CNTNAP2: variants seen among roughly 807,000 people sequenced by gnomAD.
CNTNAP2 encodes contactin associated protein 2.
In CNTNAP2, 98 loss-of-function variants were observed where a neutral mutation model predicts 155.2. The ratio of observed to expected loss-of-function variants is 0.63; its 90% CI spans 0.54 to 0.75. The LOEUF (loss-of-function observed/expected upper bound fraction) is 0.75, where lower values mean the gene tolerates loss of function less well. CNTNAP2 is among the 30% of genes least tolerant of loss of function. The pLI is 0.00. For synonymous variants in CNTNAP2, 651 were observed against 631.2 expected (o/e 1.03, Z -0.47); for missense variants, 1,727 against 1,688.1 (o/e 1.02, Z -0.40).
intron 9 of CNTNAP2, among the ~76,000 whole-genome samples, chr7:147,325,735 T>A (rs1795442616): frequency 6.6e-6 from 1 of 152,236 alleles, no homozygotes; most frequent in African/African-American, 2.4e-5. Flanking sequence ...ACATAAAGCA[T>A]AAAAGTTACC....
At chr7:146,139,228 T>C (rs529800427) in intron 1 of CNTNAP2, among the ~76,000 whole-genome samples, 1 of 152,218 alleles carries the variant, frequency 6.6e-6, no homozygotes, top group South Asian at 2.1e-4. Context: ...AATTCAAAAT[T>C]TGGAGTACAG....
chr7:146,880,333 C>T (rs1795520072), intron 3 of CNTNAP2, among the ~76,000 whole-genome samples: 1 of 151,852 alleles, frequency 6.6e-6, no homozygotes, highest in Non-Finnish European at 1.5e-5. Context: ...TCTCTTTCTG[C>T]CATTCGAAGA....
intron 21 of CNTNAP2, among the ~76,000 whole-genome samples, chr7:148,298,324 C>G (rs1797322867): frequency 6.6e-6 from 1 of 152,162 alleles, no homozygotes; most frequent in Non-Finnish European, 1.5e-5. Context: ...AATGTCACCA[C>G]ATCATTTGGA....
chr7:148,310,260 A>G (rs1418531444), intron 21 of CNTNAP2, among the ~76,000 whole-genome samples: 1 of 152,206 alleles, frequency 6.6e-6, no homozygotes, highest in African/African-American at 2.4e-5. Flanking sequence ...TTATGTTGTC[A>G]TACACCAGGC....
intron 21 of CNTNAP2, among the ~76,000 whole-genome samples, chr7:148,369,091 T>C (rs991654554): frequency 4.0e-5 from 6 of 151,528 alleles, no homozygotes; most frequent in Admixed American, 3.9e-4. Context: ...TTTCAAATGC[T>C]AAGCATACAT....
At chr7:146,482,213 A>C (rs1317401735) in intron 1 of CNTNAP2, among the ~76,000 whole-genome samples, 2 of 150,808 alleles carry the variant, frequency 1.3e-5, no homozygotes, top group Non-Finnish European at 3.0e-5. Flanking sequence ...TTAGAAAAAA[A>C]AAAAAAAAAA....
intron 13 of CNTNAP2, among the ~76,000 whole-genome samples, chr7:147,781,711 CT>C (rs1228173702): frequency 6.6e-6 from 1 of 152,136 alleles, no homozygotes; most frequent in Non-Finnish European, 1.5e-5. Flanking sequence ...TCAAGGAAGC[CT>C]TTCATGCACC....
At chr7:146,392,859 T>C (rs1795565341) in intron 1 of CNTNAP2, among the ~76,000 whole-genome samples, 1 of 152,154 alleles carries the variant, frequency 6.6e-6, no homozygotes, top group Non-Finnish European at 1.5e-5. Flanking sequence ...GTATTTCCAA[T>C]CATCTTCAAA....
chr7:147,396,290 T>C (rs985293467), intron 10 of CNTNAP2, among the ~76,000 whole-genome samples: 2 of 151,566 alleles, frequency 1.3e-5, no homozygotes, highest in Non-Finnish European at 2.9e-5. Flanking sequence ...GCAACAGCAG[T>C]GTGGCAGAGA....
At chr7:147,749,251 T>C (rs1797095609) in intron 13 of CNTNAP2, among the ~76,000 whole-genome samples, 1 of 152,214 alleles carries the variant, frequency 6.6e-6, no homozygotes, top group African/African-American at 2.4e-5. Flanking sequence ...TTTAAAATAT[T>C]GAGAACATTT....
chr7:147,004,185 T>C (rs957580356), intron 3 of CNTNAP2, among the ~76,000 whole-genome samples: 2 of 104,250 alleles, frequency 1.9e-5, no homozygotes, highest in Non-Finnish European at 4.0e-5. Context: ...ATGAATTCAA[T>C]AATATTAAAA....
rs138572687 is a variant in CNTNAP2, at chr7:146,256,663, G to C, written c.97+139690G>C. On this transcript the variant is annotated intron_variant, in intron 1 of 23. Coordinates refer to ENST00000361727, the MANE Select transcript of CNTNAP2 (RefSeq NM_014141.6). Reference sequence around the variant, plus strand: ...ATAAGAAAATATGAGAAAATACTAAGAAAATATAAGAAAATAATTTAAGAA... The same window carrying C: ...ATAAGAAAATATGAGAAAATACTAACAAAATATAAGAAAATAATTTAAGAA... Among the ~76,000 whole-genome samples the C allele has an allele frequency of 2.5e-4, 38 of 151,694 alleles. 1 individual carries two copies. The highest frequency in any genetic ancestry group is 9.2e-4 in the African/African-American group (38 of 41,396).
At chr7:146,183,122 T>C (rs1584790933) in intron 1 of CNTNAP2, among the ~76,000 whole-genome samples, 1 of 152,304 alleles carries the variant, frequency 6.6e-6, no homozygotes, top group East Asian at 1.9e-4. Flanking sequence ...GTTTTCAAGA[T>C]TTAAGCTTGA....
chr7:147,285,656 C>A (rs1805159485), intron 8 of CNTNAP2, among the ~76,000 whole-genome samples: 1 of 151,898 alleles, frequency 6.6e-6, no homozygotes. Context: ...AGTCATTGAC[C>A]AATAGCATTA....
intron 13 of CNTNAP2, among the ~76,000 whole-genome samples, chr7:147,808,690 C>A (rs1309237777): frequency 6.6e-6 from 1 of 152,176 alleles, no homozygotes; most frequent in African/African-American, 2.4e-5. Flanking sequence ...CCTTTGTTAG[C>A]AGATTTAGTA....
chr7:147,802,646 C>G (rs992850609), intron 13 of CNTNAP2, among the ~76,000 whole-genome samples: 2 of 151,994 alleles, frequency 1.3e-5, no homozygotes, highest in Non-Finnish European at 2.9e-5. Flanking sequence ...CGTGGCGGCG[C>G]GCACCTGCAA....
chr7:146,764,287 G>T (rs1324667732), intron 1 of CNTNAP2, among the ~76,000 whole-genome samples: 1 of 152,030 alleles, frequency 6.6e-6, no homozygotes, highest in African/African-American at 2.4e-5. Context: ...TAGAATTTGA[G>T]TTAAAAAAAG....
At chr7:147,795,946 A>C (rs537430306) in intron 13 of CNTNAP2, among the ~76,000 whole-genome samples, 57 of 152,274 alleles carry the variant, frequency 3.7e-4, no homozygotes, top group Non-Finnish European at 7.1e-4. Context: ...TGCTTCTTGC[A>C]ATAGGCAATC....
intron 10 of CNTNAP2, among the ~76,000 whole-genome samples, chr7:147,467,649 C>T (rs1297154917): frequency 2.0e-5 from 3 of 151,536 alleles, no homozygotes; most frequent in African/African-American, 7.4e-5. Context: ...GACATCTGCA[C>T]TTATACCCAC....
Sources: allele counts gnomAD v4.1 joint callset (sites outside exome capture counted in the v4.1 genomes callset), GRCh38; gene constraint gnomAD v4.1.1; transcripts MANE v1.5; gene names NCBI Gene and HGNC (gene_info 2026-07-23, HGNC 2026-07-21).